ANKRD18A: variants seen among roughly 807,000 people sequenced by gnomAD.
ANKRD18A encodes ankyrin repeat domain-containing protein 18A.
In ANKRD18A, 72 loss-of-function variants were observed where a neutral mutation model predicts 110.6. The ratio of observed to expected loss-of-function variants is 0.65; its 90% CI spans 0.54 to 0.79. The LOEUF is 0.79. Ranked by LOEUF, ANKRD18A falls within the 30% of genes least tolerant of loss-of-function variation. The probability of loss-of-function intolerance (pLI) is 0.00; values close to 1 mark genes in which losing one functional copy is unlikely to be tolerated. For synonymous variants in ANKRD18A, 305 were observed against 410.3 expected (o/e 0.74, Z 3.10); for missense variants, 934 against 1,163.3 (o/e 0.80, Z 2.87).
chr9:38,575,483 A>C lies in ANKRD18A; in HGVS notation c.2957T>G (p.Leu986Trp). Residue 986 changes from leucine to tryptophan, a missense_variant, in exon 15 of 16, where the codon TTG becomes TGG. Transcript: ENST00000399703. Reference sequence around the variant, plus strand: ...AATGGTCATATAACTAACCTCAGTCAAGAAGTTCTTGCAGTTATTTGAAGT... The same window carrying C: ...AATGGTCATATAACTAACCTCAGTCCAGAAGTTCTTGCAGTTATTTGAAGT... Reference protein sequence around the residue: ...PQTSNNCKNFLTEVLLC With the variant: ...PQTSNNCKNFWTEVLLC 1 of 1,550,914 alleles carries C rather than the reference A, an allele frequency of 6.4e-7. No homozygotes were observed. Among genetic ancestry groups the C allele is most frequent in the Non-Finnish European group, 8.7e-7 (1 of 1,146,636 alleles).
chr9:38,577,225 T>C lies in ANKRD18A; in HGVS notation c.2569A>G (p.Lys857Glu). The C allele has an allele frequency of 1.3e-6, 2 of 1,541,656 alleles. No homozygotes were observed. Among genetic ancestry groups the C allele is most frequent in the Non-Finnish European group, 1.7e-6 (2 of 1,144,822 alleles). ...EYEKQLEQLN[K>E]DNTASLKKKE... Reference sequence around the variant, plus strand: ...TTTTTTAGTGAAGCCGTATTATCCTTGTTTAACTGCTCTAATTGTTTTTCA... The same window carrying C: ...TTTTTTAGTGAAGCCGTATTATCCTCGTTTAACTGCTCTAATTGTTTTTCA... The change falls in exon 14 of 16, where the codon AAG becomes GAG. Residue 857 changes from lysine to glutamate, a missense_variant. Coordinates refer to ENST00000399703, the MANE Select transcript of ANKRD18A (RefSeq NM_147195.4).
At chr9:38,598,953 T>C (rs1470210638) in intron 8 of ANKRD18A, among the ~76,000 whole-genome samples, 2 of 152,252 alleles carry the variant, frequency 1.3e-5, no homozygotes, top group Non-Finnish European at 2.9e-5. Context: ...CAATGTCTAA[T>C]GACTAATTTC....
chr9:38,584,075 C>A (rs1824272994), intron 12 of ANKRD18A, among the ~76,000 whole-genome samples: 1 of 152,176 alleles, frequency 6.6e-6, no homozygotes, highest in South Asian at 2.1e-4. Context: ...GTGTGCCTGT[C>A]CTGGTATTCA....
At chr9:38,604,419 T>TA (rs1343781739) in intron 6 of ANKRD18A, 2 of 147,700 alleles carry the variant, frequency 1.4e-5, no homozygotes, top group Admixed American at 6.8e-5. Context: ...GAGAACATGG[T>TA]GTTTGGAGCT....
chr9:38,593,234 T>A lies in ANKRD18A; in HGVS notation c.2004+526A>T, dbSNP rs970060071. Among the ~76,000 whole-genome samples the A allele has an allele frequency of 3.3e-5, 5 of 152,204 alleles. No homozygotes were observed. The East Asian group carries it at 7.7e-4, about 23-fold the overall frequency. Reference sequence around the variant, plus strand: ...CAGTATATTTTAAATGAAAGGAAGATGAAGGCAATGCCTAACTTTTCAAGT... The same window carrying A: ...CAGTATATTTTAAATGAAAGGAAGAAGAAGGCAATGCCTAACTTTTCAAGT... On this transcript the variant is annotated intron_variant, in intron 10 of 15. Transcript: ENST00000399703.
At chr9:38,619,190 G>A (rs1267333657) in intron 1 of ANKRD18A, among the ~76,000 whole-genome samples, 7 of 151,828 alleles carry the variant, frequency 4.6e-5, no homozygotes, top group African/African-American at 1.5e-4. Flanking sequence ...AAGTCTTTGC[G>A]TTTTCTTCTG....
intron 12 of ANKRD18A, among the ~76,000 whole-genome samples, chr9:38,583,609 C>T (rs538223608): frequency 2.5e-3 from 376 of 152,180 alleles, no homozygotes; most frequent in Non-Finnish European, 3.3e-3. Context: ...AGGATGCTCT[C>T]GAACTCCTGA....
chr9:38,570,929 G>A (rs2118600457), downstream of ANKRD18A, among the ~76,000 whole-genome samples: 1 of 152,348 alleles, frequency 6.6e-6, no homozygotes, highest in East Asian at 1.9e-4. Context: ...AGAGTGGGAG[G>A]AAGGGAGGGA....
In ANKRD18A at chr9:38,620,144, C is replaced by T; in HGVS notation, c.142G>A (p.Ala48Thr). 6.4e-7 allele frequency: 1 copy of T among 1,569,674 alleles called. No homozygotes were observed. The highest frequency in any genetic ancestry group is 8.6e-7 in the Non-Finnish European group (1 of 1,157,364). ...IHRAAIKGDAAEVERCLTRRF... is the reference protein window; with the variant it reads ...IHRAAIKGDATEVERCLTRRF... The stretch of plus-strand genomic sequence containing the variant: ...CGCGTCAGGCAGCGCTCCACCTCCG[C>T]GGCGTCGCCCTTGATGGCAGCCCTG... The change falls in exon 1 of 16, where the codon GCG (alanine) becomes ACG (threonine). Residue 48 changes from alanine to threonine, a missense_variant. Physicochemically the swap from Ala to Thr is moderately conservative, Grantham distance 58. This residue lies in a region of ANKRD18A where 630 missense variants were observed against 797.5 expected (regional missense o/e 0.79). Coordinates refer to ENST00000399703, the MANE Select transcript of ANKRD18A (RefSeq NM_147195.4).
In ANKRD18A at chr9:38,591,273, G is replaced by A. The variant is rs561534198; in HGVS notation, c.2004+2487C>T. On this transcript the variant is annotated intron_variant, in intron 10 of 15. Transcript: ENST00000399703. ...GCATGAGCCACCTCACCAACCAGGT[G>A]TTCCATGGAATGGTTTGAGAGGCAG... 2.8e-3 allele frequency among the ~76,000 whole-genome samples: 423 copies of A among 152,098 alleles called. 1 individual carries two copies. Among genetic ancestry groups the A allele is most frequent in the African/African-American group, 9.7e-3 (404 of 41,470 alleles).
chr9:38,607,594 C>G (rs541487539), intron 5 of ANKRD18A, 101 bp from the exon 6 acceptor site: 1 of 809,252 alleles, frequency 1.2e-6, no homozygotes, highest in East Asian at 3.7e-5. Context: ...AATATCAGAG[C>G]TAATATCAGA....
rs1012057570 is a variant in ANKRD18A, at chr9:38,586,064, G to C, written c.2247+119C>G. On this transcript the variant is annotated intron_variant, in intron 12 of 15. Coordinates refer to ENST00000399703, the MANE Select transcript of ANKRD18A (RefSeq NM_147195.4). ...TAATGCCTACGGGGCTTAATACCTA[G>C]GTGATGCATTGATACGTGCAGCAAA... 1.1e-5 allele frequency: 12 copies of C among 1,109,398 alleles called. No individual in the cohort carries two copies. In the African/African-American group the frequency reaches 2.0e-4, roughly 18 times the overall value. The allele number at this position is 1,109,398 out of a possible 1,614,324, so 68.7% of individuals were successfully genotyped here.
chr9:38,607,363 T>G (rs1347916609), intron 6 of ANKRD18A, 63 bp downstream of exon 6: 7 of 1,350,680 alleles, frequency 5.2e-6, no homozygotes, highest in Non-Finnish European at 7.0e-6. Context: ...GGCCTGTAAT[T>G]TTGCTTTTTA....
At chr9:38,583,780 T>C (rs1297852172) in intron 12 of ANKRD18A, among the ~76,000 whole-genome samples, 9 of 152,172 alleles carry the variant, frequency 5.9e-5, no homozygotes, top group Admixed American at 5.2e-4. Context: ...AATGTATCCA[T>C]ACAATGGAAT....
rs1329650558 is a variant in ANKRD18A at position 38,595,640 on chromosome 9, C to T, written c.1700G>A (p.Gly567Asp). ...ATTAATGACTATCTCTTTATTATCG[C>T]CTTCCTTACGAGCATCCTCTAGTTG... ...ERQLEDARKEGDNKEIVINIH... is the reference protein window; with the variant it reads ...ERQLEDARKEDDNKEIVINIH... The change falls in exon 9 of 16, where the codon GGC becomes GAC. Residue 567 changes from glycine to aspartate, a missense_variant. By Grantham distance (94) the Gly-to-Asp change is moderately conservative. Around this residue, in one of 4 missense-constraint regions of ANKRD18A, gnomAD observed 630 missense variants for 797.5 expected, o/e 0.79. Transcript: ENST00000399703. The T allele has an allele frequency of 2.6e-6, 4 of 1,550,966 alleles. No homozygotes were observed. Among genetic ancestry groups the T allele is most frequent in the Non-Finnish European group, 2.6e-6 (3 of 1,146,618 alleles).
intron 8 of ANKRD18A, 92 bp from the exon 9 acceptor site, chr9:38,596,495 G>A (rs898498370): frequency 1.7e-6 from 2 of 1,144,586 alleles, no homozygotes; most frequent in Non-Finnish European, 2.3e-6. Context: ...ATACATTCAT[G>A]CAATTAAAAG....
intron 14 of ANKRD18A, 118 bp downstream of exon 14, chr9:38,576,935 A>G (rs1823918409): frequency 2.4e-6 from 2 of 826,760 alleles, no homozygotes; most frequent in Non-Finnish European, 3.8e-6. Context: ...CCAAAATTAC[A>G]TTATCAAATT....
At chr9:38,582,324 ATCATG>A (rs1275662031) in intron 12 of ANKRD18A, among the ~76,000 whole-genome samples, 3 of 152,212 alleles carry the variant, frequency 2.0e-5, no homozygotes, top group African/African-American at 7.2e-5. Flanking sequence ...CTGACTTGCC[ATCATG>A]TCTTAGAGTA....
Position 38,615,642 on chromosome 9 carries a change from C to T in ANKRD18A, c.447G>A (p.Leu149=). The stretch of plus-strand genomic sequence containing the variant: ...CATGGTGGGAAAGCAGTCTTTCTGC[C>T]AGTGAAGTCCCCTTATTATACACGG... ...HYAVYNKGTS[L]AERLLSHHAN... is the part of the protein sequence containing the mutation. Residue 149 remains leucine (L), a synonymous_variant, in exon 3 of 16, where the codon CTG becomes CTA. Coordinates refer to ENST00000399703, the MANE Select transcript of ANKRD18A (RefSeq NM_147195.4). 1 of 1,610,874 alleles carries T rather than the reference C, an allele frequency of 6.2e-7. No individual in the cohort carries two copies. Among genetic ancestry groups the T allele is most frequent in the Non-Finnish European group, 8.5e-7 (1 of 1,179,334 alleles).
Sources: gnomAD v4.1 joint callset for allele counts (sites outside exome capture counted in the v4.1 genomes callset) on GRCh38, gnomAD v4.1.1 for gene constraint, gnomAD v4.1.1 regional missense constraint, MANE v1.5 for transcripts, NCBI Gene and HGNC (gene_info 2026-07-23, HGNC 2026-07-21) for gene names.